Variants in TACR1 observed in about 807,000 individuals in gnomAD.
TACR1 encodes the protein tachykinin receptor 1.
In TACR1, 25 loss-of-function variants were observed where a neutral mutation model predicts 35.8. The ratio of observed to expected loss-of-function variants is 0.70; its 90% CI spans 0.51 to 0.98. The LOEUF is 0.98. Among genes scored for constraint, TACR1 ranks in the 50% least tolerant of loss-of-function variants. The pLI is 0.00. For synonymous variants in TACR1, 195 were observed against 206.7 expected, an observed-to-expected ratio of 0.94 and a Z score of 0.48; for missense variants, 478 against 522.9, an observed-to-expected ratio of 0.91 and a Z score of 0.84.
intron 2 of TACR1, among the ~76,000 whole-genome samples, chr2:75,082,659 A>C (rs1422710078): frequency 6.6e-6 from 1 of 152,098 alleles, no homozygotes; most frequent in African/African-American, 2.4e-5. Flanking sequence ...TTTGATTTGC[A>C]TTTCTCTGAT....
intron 1 of TACR1, among the ~76,000 whole-genome samples, chr2:75,152,896 TTTTGTTTG>T (rs772520919): frequency 1.3e-5 from 2 of 152,188 alleles, no homozygotes; most frequent in Non-Finnish European, 1.5e-5. Context: ...AAGACTTCTT[TTTTGTTTG>T]TTTGTTTGGT....
chr2:75,118,348 A>G (rs967286278), intron 2 of TACR1, among the ~76,000 whole-genome samples: 1 of 152,250 alleles, frequency 6.6e-6, no homozygotes, highest in Non-Finnish European at 1.5e-5. Context: ...TATTGTATCA[A>G]TAAACATGTT....
chr2:75,157,001 G>A (rs1049642337), intron 1 of TACR1, among the ~76,000 whole-genome samples: 3 of 152,144 alleles, frequency 2.0e-5, no homozygotes, highest in Admixed American at 6.5e-5. Context: ...GATGGGAGTC[G>A]GGGCTGGGTG....
intron 1 of TACR1, among the ~76,000 whole-genome samples, chr2:75,194,767 A>G (rs1225740855): frequency 4.6e-5 from 7 of 152,182 alleles, no homozygotes; most frequent in African/African-American, 1.7e-4. Context: ...TGAGTGAGCA[A>G]CTGCTACCTT....
chr2:75,176,948 A>G (rs575047444), intron 1 of TACR1, among the ~76,000 whole-genome samples: 11 of 152,186 alleles, frequency 7.2e-5, no homozygotes, highest in Admixed American at 3.3e-4. Context: ...CACTGTCTTC[A>G]GCAAAATCCT....
chr2:75,184,384 A>T (rs1177279142), intron 1 of TACR1, among the ~76,000 whole-genome samples: 15 of 150,998 alleles, frequency 9.9e-5, no homozygotes, highest in Non-Finnish European at 7.4e-5. Flanking sequence ...ATCACAGGTT[A>T]AAAAAAAAGG....
intron 2 of TACR1, among the ~76,000 whole-genome samples, chr2:75,101,229 T>C (rs1307174951): frequency 6.6e-6 from 1 of 152,078 alleles, no homozygotes; most frequent in Non-Finnish European, 1.5e-5. Context: ...TAAGAAGATA[T>C]TCCGAAAGAG....
chr2:75,052,943 C>T (rs2103782428), intron 3 of TACR1, among the ~76,000 whole-genome samples: 1 of 152,276 alleles, frequency 6.6e-6, no homozygotes, highest in East Asian at 1.9e-4. Context: ...ACCTAGCCTC[C>T]TCCAATGATA....
At chr2:75,054,767 A>G (rs1379031870) in intron 2 of TACR1, among the ~76,000 whole-genome samples, 2 of 152,178 alleles carry the variant, frequency 1.3e-5, no homozygotes, top group Non-Finnish European at 2.9e-5. Context: ...TAATAATACT[A>G]GGAAGAACAG....
chr2:75,081,912 T>A (rs79774011), intron 2 of TACR1, among the ~76,000 whole-genome samples: 6,825 of 150,788 alleles, frequency 0.045, 485 homozygotes, highest in African/African-American at 0.15. Context: ...TTTTTTTTTT[T>A]AAATATATAT....
intron 2 of TACR1, among the ~76,000 whole-genome samples, chr2:75,092,342 C>G (rs964640815): frequency 1.3e-5 from 2 of 152,070 alleles, no homozygotes; most frequent in Non-Finnish European, 2.9e-5. Context: ...ACTCATGACC[C>G]TTAATGCATT....
At chr2:75,084,474 A>G (rs898465642) in intron 2 of TACR1, among the ~76,000 whole-genome samples, 27 of 151,984 alleles carry the variant, frequency 1.8e-4, no homozygotes, top group African/African-American at 4.8e-4. Context: ...CTCTTTTTCT[A>G]TTGTTTGGAA....
chr2:75,143,263 AC>A (rs1272292564), intron 1 of TACR1, among the ~76,000 whole-genome samples: 4 of 152,142 alleles, frequency 2.6e-5, no homozygotes, highest in Admixed American at 6.5e-5. Flanking sequence ...TTTGAATTTT[AC>A]TTTTTCTTGA....
chr2:75,196,269 G>A (rs1675970779), intron 1 of TACR1, among the ~76,000 whole-genome samples: 1 of 152,180 alleles, frequency 6.6e-6, no homozygotes, highest in Non-Finnish European at 1.5e-5. Context: ...GGGAGAGAAT[G>A]GATGACCACA....
At chr2:75,138,627 C>A (rs1674343584) in intron 1 of TACR1, among the ~76,000 whole-genome samples, 1 of 152,038 alleles carries the variant, frequency 6.6e-6, no homozygotes, top group Non-Finnish European at 1.5e-5. Flanking sequence ...TATTACATAC[C>A]ATGGTAAACA....
intron 2 of TACR1, among the ~76,000 whole-genome samples, chr2:75,081,555 TG>T (rs914299197): frequency 2.0e-5 from 3 of 152,116 alleles, no homozygotes; most frequent in African/African-American, 7.2e-5. Flanking sequence ...ATGTAGAGAT[TG>T]GGGTGTCACA....
intron 2 of TACR1, among the ~76,000 whole-genome samples, chr2:75,111,712 A>G (rs550796686): frequency 6.6e-6 from 1 of 152,114 alleles, no homozygotes; most frequent in South Asian, 2.1e-4. Context: ...AATAGGGTAT[A>G]CTGTATATTG....
intron 2 of TACR1, among the ~76,000 whole-genome samples, chr2:75,071,739 G>A (rs752128257): frequency 6.6e-6 from 1 of 152,150 alleles, no homozygotes; most frequent in Non-Finnish European, 1.5e-5. Flanking sequence ...TCTCCATAAT[G>A]TAATTCCCAA....
chr2:75,163,744 G>A (rs1675070446), intron 1 of TACR1, among the ~76,000 whole-genome samples: 1 of 152,158 alleles, frequency 6.6e-6, no homozygotes, highest in African/African-American at 2.4e-5. Context: ...AAATGTAGAT[G>A]TCTTAGTAGT....
Sources: gnomAD v4.1 joint callset for allele counts (sites outside exome capture counted in the v4.1 genomes callset) on GRCh38, gnomAD v4.1.1 for gene constraint, MANE v1.5 for transcripts, NCBI Gene and HGNC (gene_info 2026-07-23, HGNC 2026-07-21) for gene names.